ZDHHC13: variants seen among roughly 807,000 people sequenced by gnomAD.
ZDHHC13 encodes zDHHC palmitoyltransferase 13.
Under a neutral mutation model 86.0 loss-of-function variants are expected in ZDHHC13, and 85 were observed. The observed-to-expected ratio is 0.99, with a 90% CI of 0.83 to 1.18. ZDHHC13 has a LOEUF of 1.18. ZDHHC13 is among the 50% of genes most tolerant of loss of function. The pLI, the probability that ZDHHC13 is intolerant of heterozygous loss-of-function variation, is 0.00. For synonymous variants in ZDHHC13, 263 were observed against 246.4 expected (o/e 1.07, Z -0.63); for missense variants, 711 against 730.2 (o/e 0.97, Z 0.30).
intron 5 of ZDHHC13, 87 bp downstream of exon 5, chr11:19,149,418 A>C (rs992543370): frequency 3.2e-5 from 42 of 1,293,482 alleles, no homozygotes; most frequent in Non-Finnish European, 4.1e-5. Flanking sequence ...TCTCATTTTT[A>C]AAGTGGAGGT....
At chr11:19,143,205 TG>T in intron 2 of ZDHHC13, 82 bp downstream of exon 2, 1 of 1,417,504 alleles carries the variant, frequency 7.1e-7, no homozygotes, top group Non-Finnish European at 9.5e-7. Context: ...GAGCTTCATA[TG>T]TTTACCTCTC....
intron 1 of ZDHHC13, among the ~76,000 whole-genome samples, chr11:19,135,699 G>A (rs1849118385): frequency 6.6e-6 from 1 of 152,240 alleles, no homozygotes; most frequent in Admixed American, 6.5e-5. Flanking sequence ...GAGAGCAGTG[G>A]TTCTCCCAGC....
At chr11:19,124,394 T>C (rs1848826214) in intron 1 of ZDHHC13, among the ~76,000 whole-genome samples, 2 of 152,176 alleles carry the variant, frequency 1.3e-5, no homozygotes, top group Admixed American at 1.3e-4. Flanking sequence ...AATGGTTATC[T>C]CTGGTGGTAC....
At chr11:19,151,424 A>T (rs940287339) in intron 6 of ZDHHC13, among the ~76,000 whole-genome samples, 1 of 151,892 alleles carries the variant, frequency 6.6e-6, no homozygotes, top group African/African-American at 2.4e-5. Flanking sequence ...TTTTGCTTGT[A>T]CTTAGGACTT....
intron 9 of ZDHHC13, among the ~76,000 whole-genome samples, chr11:19,157,149 GCCGTTCCTGACT>G (rs1187758263): frequency 6.6e-6 from 1 of 152,184 alleles, no homozygotes; most frequent in African/African-American, 2.4e-5. Flanking sequence ...GCTTAGTGAG[GCCGTTCCTGACT>G]GATGCTGCTG....
intron 1 of ZDHHC13, among the ~76,000 whole-genome samples, chr11:19,132,876 C>CA (rs1225932443): frequency 3.3e-5 from 5 of 152,098 alleles, no homozygotes; most frequent in African/African-American, 1.2e-4. Flanking sequence ...TTTATTATAG[C>CA]AAGAAAGCAA....
chr11:19,120,182 A>T (rs77246216), intron 1 of ZDHHC13, among the ~76,000 whole-genome samples: 6,592 of 152,318 alleles, frequency 0.043, 252 homozygotes, highest in East Asian at 0.21. Flanking sequence ...ACATAGTGGT[A>T]TAAAACATGG....
rs1850020597 is a variant in ZDHHC13 at position 19,165,059 on chromosome 11, A to G, written c.1304A>G (p.Lys435Arg). Residue 435 changes from lysine (K) to arginine (R), a missense_variant, in exon 13 of 17, where the codon AAG (lysine) becomes AGG (arginine). By Grantham distance (26) the Lys-to-Arg change is conservative (BLOSUM62 2). Transcript: ENST00000446113. ...TCTTAATTGCCCACTTAGATAAGGA[A>G]GCCATTAAGGTCACTCCACTGCCAT... is the stretch of plus-strand genomic sequence containing the variant. The part of the protein sequence containing the change: ...RTFCTSCLIR[K>R]PLRSLHCHVC... 9 of 1,612,276 alleles carry G rather than the reference A, an allele frequency of 5.6e-6. No individual in the cohort carries two copies. Among genetic ancestry groups the G allele is most frequent in the Non-Finnish European group, 7.6e-6 (9 of 1,179,122 alleles).
rs572044204 is a variant in ZDHHC13 at position 19,133,629 on chromosome 11, A to T, written c.28-9349A>T. 1.4e-4 allele frequency among the ~76,000 whole-genome samples: 22 copies of T among 152,222 alleles called. No homozygotes were observed. In the South Asian group the frequency reaches 3.5e-3, roughly 24 times the overall value. On this transcript the variant is annotated intron_variant, in intron 1 of 16. Transcript: ENST00000446113. ...GCTTGTAAGTCTAATGTTAAGCAAA[A>T]CAAATGATAGAGAATACGTATGATA...
intron 1 of ZDHHC13, among the ~76,000 whole-genome samples, chr11:19,127,792 C>G (rs919264199): frequency 1.8e-4 from 27 of 152,158 alleles, no homozygotes; most frequent in African/African-American, 6.3e-4. Flanking sequence ...GCTTCCTATT[C>G]TATTCCATTC....
chr11:19,172,648 T>A (rs1590096101), intron 15 of ZDHHC13, 75 bp from the exon 16 acceptor site: 1 of 1,205,832 alleles, frequency 8.3e-7, no homozygotes, highest in Admixed American at 2.6e-5. Flanking sequence ...ATTGCACTGA[T>A]ACTGATCTTA....
chr11:19,153,827 A>G (rs905389788), intron 8 of ZDHHC13, among the ~76,000 whole-genome samples: 7 of 150,430 alleles, frequency 4.7e-5, no homozygotes, highest in Non-Finnish European at 1.5e-5. Flanking sequence ...CCATCTCAGT[A>G]GCTGGTAACT....
chr11:19,163,645 A>G (rs771093178), intron 11 of ZDHHC13, among the ~76,000 whole-genome samples: 2 of 152,114 alleles, frequency 1.3e-5, no homozygotes, highest in African/African-American at 2.4e-5. Context: ...CCCCACCAAG[A>G]CTTTTTCAGA....
chr11:19,151,053 A>G (rs538648329), intron 6 of ZDHHC13, among the ~76,000 whole-genome samples: 2 of 152,228 alleles, frequency 1.3e-5, no homozygotes, highest in South Asian at 4.1e-4. Context: ...CCTATCAAGT[A>G]GATATACCTT....
chr11:19,147,483 C>G (rs768998814), intron 3 of ZDHHC13, 113 bp from the exon 4 acceptor site: 4 of 862,598 alleles, frequency 4.6e-6, no homozygotes, highest in Non-Finnish European at 7.1e-6. Context: ...GGGATTATTA[C>G]TATCATAATT....
At position 19,155,860 on chromosome 11, in the gene ZDHHC13, A is replaced by G. The variant is rs751883202; in HGVS notation, c.938A>G (p.Asn313Ser). 9.3e-6 allele frequency: 15 copies of G among 1,612,830 alleles called. No homozygotes were observed. In the East Asian group the frequency reaches 1.1e-4, roughly 12 times the overall value. ...MWAIGYILDF[N>S]SDSWLLKGCL... ...GCTATTGGATACATATTGGACTTCA[A>G]TTCAGATTCTTGGCTTTTAAAAGGA... The change falls in exon 9 of 17, where the codon AAT (asparagine) becomes AGT (serine). Residue 313 changes from asparagine to serine, a missense_variant. By Grantham distance (46) the Asn-to-Ser change is conservative. Transcript: ENST00000446113.
intron 16 of ZDHHC13, among the ~76,000 whole-genome samples, chr11:19,173,045 T>C (rs1327318533): frequency 6.6e-6 from 1 of 152,170 alleles, no homozygotes; most frequent in African/African-American, 2.4e-5. Context: ...ACAGCACAAA[T>C]AGTAAGTGAC....
chr11:19,117,292 C>A lies in ZDHHC13; in HGVS notation c.27+16C>A, dbSNP rs1324932097. 1 of 1,466,062 alleles carries A rather than the reference C, an allele frequency of 6.8e-7. No homozygotes were observed. 90.8% of individuals were successfully genotyped at this position (1,466,062 alleles called of 1,614,324 possible). ...GGGCTCGCAGGTGAGTGCGGCCGGG[C>A]GGTGGCTGTCCTGGGGGCCGGGAGA... is the stretch of plus-strand genomic sequence containing the variant. On this transcript the variant is annotated intron_variant, in intron 1 of 16. Transcript: ENST00000446113. This position sits in a 1 kb window ranked among gnomAD's most constrained non-coding sequence, Gnocchi z 4.2.
intron 14 of ZDHHC13, chr11:19,169,631 G>A (rs1850166725): frequency 1.0e-6 from 1 of 985,330 alleles, no homozygotes; most frequent in Non-Finnish European, 1.2e-6. Flanking sequence ...TGGGCAGGGT[G>A]CCTGTAAAAG....
Sources: allele counts gnomAD v4.1 joint callset (sites outside exome capture counted in the v4.1 genomes callset), GRCh38; gene constraint gnomAD v4.1.1; non-coding constraint Gnocchi (gnomAD v3.1); transcripts MANE v1.5; gene names NCBI Gene and HGNC (gene_info 2026-07-23, HGNC 2026-07-21).